The following IKZF3 variants were observed in gnomAD, a reference collection of about 807,000 sequenced individuals.
IKZF3 encodes the protein zinc finger protein Aiolos.
In IKZF3, 10 loss-of-function variants were observed where a neutral mutation model predicts 49.0. The observed-to-expected ratio is 0.20, with a 90% CI of 0.13 to 0.35. The LOEUF (loss-of-function observed/expected upper bound fraction) is 0.35, where lower values mean the gene tolerates loss of function less well. IKZF3 is among the 10% of genes least tolerant of loss of function. The pLI is 1.00. For synonymous variants in IKZF3, 209 were observed against 228.2 expected (o/e 0.92, Z 0.76); for missense variants, 498 against 664.8 (o/e 0.75, Z 2.76).
At chr17:39,842,820 A>G (rs1568051605) in intron 1 of IKZF3, among the ~76,000 whole-genome samples, 1 of 152,238 alleles carries the variant, frequency 6.6e-6, no homozygotes, top group Non-Finnish European at 1.5e-5. Context: ...AAGAGCACCT[A>G]TATAATGGAA....
intron 3 of IKZF3, among the ~76,000 whole-genome samples, chr17:39,824,231 C>T (rs1013157131): frequency 3.9e-5 from 6 of 152,162 alleles, no homozygotes; most frequent in Non-Finnish European, 7.3e-5. Context: ...TATTGGATTC[C>T]GGACTTGCAT....
chr17:39,842,384 C>A (rs1456704781), intron 1 of IKZF3, among the ~76,000 whole-genome samples: 2 of 152,128 alleles, frequency 1.3e-5, no homozygotes, highest in African/African-American at 2.4e-5. Flanking sequence ...CAAAAATTAG[C>A]CAGGCATGGT....
chr17:39,782,455 C>T (rs2060768169), intron 6 of IKZF3, among the ~76,000 whole-genome samples: 1 of 151,964 alleles, frequency 6.6e-6, no homozygotes, highest in African/African-American at 2.4e-5. Flanking sequence ...CAAAGAAATG[C>T]TTTGTAACTG....
chr17:39,806,803 G>A (rs1000790296), intron 3 of IKZF3, among the ~76,000 whole-genome samples: 2 of 151,950 alleles, frequency 1.3e-5, no homozygotes, highest in African/African-American at 2.4e-5. Flanking sequence ...GTGATGGAAG[G>A]TGTCTCTTCT....
intron 7 of IKZF3, among the ~76,000 whole-genome samples, chr17:39,772,351 A>G (rs530612412): frequency 1.3e-5 from 2 of 152,190 alleles, no homozygotes; most frequent in Non-Finnish European, 1.5e-5. Context: ...GGGTAAGGTG[A>G]AATATTCAGG....
intron 6 of IKZF3, chr17:39,778,158 C>T: frequency 1.0e-6 from 1 of 988,802 alleles, no homozygotes; most frequent in Non-Finnish European, 1.2e-6. Flanking sequence ...TAATTCTTAA[C>T]AACTTTGAAA....
At chr17:39,825,252 T>C (rs1215524061) in intron 3 of IKZF3, among the ~76,000 whole-genome samples, 1 of 152,174 alleles carries the variant, frequency 6.6e-6, no homozygotes, top group Non-Finnish European at 1.5e-5. Context: ...AGAATGTACA[T>C]GTCAGATATG....
intron 1 of IKZF3, among the ~76,000 whole-genome samples, chr17:39,844,726 G>C (rs1053519924): frequency 2.0e-5 from 3 of 151,956 alleles, no homozygotes; most frequent in Non-Finnish European, 2.9e-5. Context: ...CAGTTCAAGC[G>C]ATTCTCCTGC....
intron 1 of IKZF3, among the ~76,000 whole-genome samples, chr17:39,857,613 T>C (rs1183015866): frequency 6.6e-6 from 1 of 152,198 alleles, no homozygotes; most frequent in African/African-American, 2.4e-5. Context: ...CAATCTCTTC[T>C]ACCAAACCTT....
Position 39,766,284 on chromosome 17 carries a change from G to T in IKZF3, c.1036C>A (p.Leu346Ile). 1 of 1,614,198 alleles carries T rather than the reference G, an allele frequency of 6.2e-7. No homozygotes were observed. Residue 346 changes from leucine to isoleucine, a missense_variant, in exon 8 of 8, where the codon CTC becomes ATC. Around this residue, in one of 3 missense-constraint regions of IKZF3, gnomAD observed 317 missense variants for 397.3 expected, o/e 0.80. Coordinates refer to ENST00000346872, the MANE Select transcript of IKZF3 (RefSeq NM_012481.5). ...CCGTTTGACATCTCAGCCCGGGTGAGGGCTATGGGATACATGCTGCTGATA... is the reference window on the plus strand; with the variant it reads ...CCGTTTGACATCTCAGCCCGGGTGATGGCTATGGGATACATGCTGCTGATA... Reference protein sequence around the residue: ...PVISSMYPIALTRAEMSNGAP... With the variant: ...PVISSMYPIAITRAEMSNGAP...
At position 39,860,837 on chromosome 17, in the gene IKZF3, T is replaced by C. The variant is rs139463754; in HGVS notation, c.7+3283A>G. ...TCCTCAGCATCACATAATATACTTA[T>C]GTAAGAAACCTGCACATGTACCCCC... is the stretch of plus-strand genomic sequence containing the variant. On this transcript the variant is annotated intron_variant, in intron 1 of 7. Coordinates refer to ENST00000346872, the MANE Select transcript of IKZF3 (RefSeq NM_012481.5). Among the ~76,000 whole-genome samples, 172 of 152,346 alleles carry C rather than the reference T, an allele frequency of 1.1e-3. 1 individual carries two copies. The highest frequency in any genetic ancestry group is 4.0e-3 in the African/African-American group (166 of 41,576).
chr17:39,777,853 C>A, intron 6 of IKZF3, 86 bp from the exon 7 acceptor site: 7 of 1,551,244 alleles, frequency 4.5e-6, no homozygotes, highest in South Asian at 1.2e-5. Flanking sequence ...GGAGAAGTGT[C>A]CGAAGTTGGA....
chr17:39,850,949 T>C (rs2062850651), intron 1 of IKZF3, among the ~76,000 whole-genome samples: 1 of 120,618 alleles, frequency 8.3e-6, no homozygotes, highest in African/African-American at 4.0e-5. Context: ...GTATATATTA[T>C]ATACACGTAT....
Position 39,842,540 on chromosome 17 carries a change from A to G in IKZF3, c.8-10389T>C, listed in dbSNP as rs115129655. Among the ~76,000 whole-genome samples the G allele has an allele frequency of 7.3e-3, 1,119 of 152,310 alleles. 10 individuals are homozygous for G. Among genetic ancestry groups the G allele is most frequent in the African/African-American group, 0.026 (1,070 of 41,560 alleles). Reference sequence around the variant, plus strand: ...TAAAAGTATAGAGCAGTCATCCTGAAGGGGTTTCCATTGGCCAAATCTGGG... The same window carrying G: ...TAAAAGTATAGAGCAGTCATCCTGAGGGGGTTTCCATTGGCCAAATCTGGG... On this transcript the variant is annotated intron_variant, in intron 1 of 7. Transcript: ENST00000346872.
At position 39,788,305 on chromosome 17, in the gene IKZF3, T is replaced by C. The variant is rs1431869874; in HGVS notation, c.662A>G (p.Lys221Arg). 6.2e-7 allele frequency: 1 copy of C among 1,613,966 alleles called. No individual in the cohort carries two copies. Among genetic ancestry groups the C allele is most frequent in the Non-Finnish European group, 8.5e-7 (1 of 1,179,872 alleles). Residue 221 changes from lysine to arginine, a missense_variant, in exon 6 of 8, where the codon AAG (lysine) becomes AGG (arginine). Coordinates refer to ENST00000346872, the MANE Select transcript of IKZF3 (RefSeq NM_012481.5). ...CTGAAGAAATGTACGGCAGCGCTCC[T>C]TGTGCTCCTCAAGGGAACTTCTCTG... ...YKQRSSLEEH[K>R]ERCRTFLQST... is the part of the protein sequence containing the mutation.
chr17:39,837,445 CT>C (rs765376491), intron 1 of IKZF3, among the ~76,000 whole-genome samples: 5,789 of 137,300 alleles, frequency 0.042, 298 homozygotes, highest in African/African-American at 0.13. Flanking sequence ...TTTCTTAAAA[CT>C]TTTTTTTTTT....
chr17:39,765,839 T>C lies in IKZF3; in HGVS notation c.1481A>G (p.Glu494Gly). The C allele has an allele frequency of 1.2e-6, 2 of 1,613,950 alleles. No individual in the cohort carries two copies. The highest frequency in any genetic ancestry group is 1.7e-6 in the Non-Finnish European group (2 of 1,179,824). ...TCCTCTGGCTATGTGAGACGAGAACTCATACCGATCATGGCTTCGATATCC... is the reference window on the plus strand; with the variant it reads ...TCCTCTGGCTATGTGAGACGAGAACCCATACCGATCATGGCTTCGATATCC... ...MCGYRSHDRY[E>G]FSSHIARGEH... The change falls in exon 8 of 8, where the codon GAG becomes GGG. Residue 494 changes from glutamate to glycine, a missense_variant. By Grantham distance (98) the Glu-to-Gly change is moderately conservative. Transcript: ENST00000346872.
chr17:39,775,974 T>C (rs2060575634), intron 7 of IKZF3, among the ~76,000 whole-genome samples: 2 of 152,074 alleles, frequency 1.3e-5, no homozygotes, highest in Admixed American at 6.5e-5. Context: ...GCTTTACATT[T>C]TTTTCTTGCC....
chr17:39,828,549 C>A (rs185817260), intron 3 of IKZF3, among the ~76,000 whole-genome samples: 1 of 152,232 alleles, frequency 6.6e-6, no homozygotes, highest in Non-Finnish European at 1.5e-5. Flanking sequence ...GGAGGGGAGT[C>A]CCCGATTTTG....
Sources: allele counts gnomAD v4.1 joint callset (sites outside exome capture counted in the v4.1 genomes callset), GRCh38; gene constraint gnomAD v4.1.1; regional missense constraint gnomAD v4.1.1; transcripts MANE v1.5; gene names NCBI Gene and HGNC (gene_info 2026-07-23, HGNC 2026-07-21).